The following MS4A12 variants were observed in gnomAD, a reference collection of about 807,000 sequenced individuals.
The protein encoded by MS4A12 is membrane spanning 4-domains A12, also known as membrane-spanning 4-domains subfamily A member 12.
Under a neutral mutation model 23.7 loss-of-function variants are expected in MS4A12, and 28 were observed. That is an observed-to-expected ratio of 1.18 (90% CI 0.88 to 1.62). The LOEUF is 1.62. Among genes scored for constraint, MS4A12 ranks in the 40% most tolerant of loss-of-function variants. The pLI, the probability that MS4A12 is intolerant of heterozygous loss-of-function variation, is 0.00. For synonymous variants in MS4A12, 108 were observed against 110.1 expected (o/e 0.98, Z 0.12); for missense variants, 342 against 327.0 (o/e 1.05, Z -0.35).
intron 2 of MS4A12, among the ~76,000 whole-genome samples, chr11:60,499,960 A>G (rs1020567068): frequency 6.6e-6 from 1 of 152,236 alleles, no homozygotes; most frequent in African/African-American, 2.4e-5. Flanking sequence ...AAATGATTGC[A>G]TACCTGCAAC....
At chr11:60,500,934 C>T (rs996486145) in intron 2 of MS4A12, 111 bp from the exon 3 acceptor site, 80 of 1,257,888 alleles carry the variant, frequency 6.4e-5, no homozygotes, top group Admixed American at 6.3e-4. Flanking sequence ...TGAATGACAA[C>T]GATGGATCTC....
At chr11:60,506,459 C>T (rs186695821) in intron 5 of MS4A12, among the ~76,000 whole-genome samples, 13 of 152,060 alleles carry the variant, frequency 8.5e-5, no homozygotes, top group East Asian at 1.9e-4. Context: ...AAAAAAACAA[C>T]GAGGCCATCA....
At chr11:60,503,856 T>C (rs965219984) in intron 5 of MS4A12, 39 bp downstream of exon 5, 1 of 1,543,752 alleles carries the variant, frequency 6.5e-7, no homozygotes, top group African/African-American at 1.4e-5. Flanking sequence ...TGCTCTATTT[T>C]CAGTCCCGTA....
chr11:60,501,788 GAAATTAAGGAAAAGAAAATAA>G (rs141402153), intron 3 of MS4A12, among the ~76,000 whole-genome samples, 174 bp from the exon 4 acceptor site: 73,920 of 151,630 alleles, frequency 0.49, 18,269 homozygotes, highest in African/African-American at 0.54. Context: ...TCATAGGCCA[GAAATTAAGGAAAAGAAAATAA>G]AAAAGAAGTC....
chr11:60,505,305 G>A (rs1044314276), intron 5 of MS4A12, among the ~76,000 whole-genome samples: 2 of 152,000 alleles, frequency 1.3e-5, no homozygotes, highest in African/African-American at 2.4e-5. Flanking sequence ...GAACAGCATG[G>A]GAAAGACCCA....
At chr11:60,496,055 T>C (rs890181977) in intron 1 of MS4A12, among the ~76,000 whole-genome samples, 2 of 152,208 alleles carry the variant, frequency 1.3e-5, no homozygotes, top group Non-Finnish European at 2.9e-5. Flanking sequence ...ACCTTGAGCA[T>C]GTCACTTAAC....
chr11:60,503,569 A>G (rs909485588), intron 4 of MS4A12, 132 bp from the exon 5 acceptor site: 1 of 712,116 alleles, frequency 1.4e-6, no homozygotes, highest in Non-Finnish European at 2.3e-6. Flanking sequence ...AGGGCAGAAA[A>G]CAGAATAATT....
chr11:60,498,065 A>T (rs2086503266), intron 2 of MS4A12: 2 of 160,052 alleles, frequency 1.2e-5, no homozygotes, highest in Admixed American at 1.2e-4. Flanking sequence ...CTCTTTCACC[A>T]ATACCCTTAG....
intron 1 of MS4A12, among the ~76,000 whole-genome samples, chr11:60,496,563 T>G (rs1280189789): frequency 6.6e-6 from 1 of 152,252 alleles, no homozygotes; most frequent in African/African-American, 2.4e-5. Context: ...TCCCAATTAC[T>G]GGCAAACAAT....
chr11:60,503,434 T>G (rs1025059013), intron 4 of MS4A12, among the ~76,000 whole-genome samples: 1 of 152,236 alleles, frequency 6.6e-6, no homozygotes, highest in African/African-American at 2.4e-5. Context: ...TTATTGTGCA[T>G]GAAGCTTTTA....
intron 3 of MS4A12, 76 bp downstream of exon 3, chr11:60,501,258 T>C: frequency 7.1e-7 from 1 of 1,416,936 alleles, no homozygotes; most frequent in Non-Finnish European, 9.4e-7. Context: ...TATTGCTATC[T>C]CCAGCCAATT....
intron 4 of MS4A12, among the ~76,000 whole-genome samples, 199 bp downstream of exon 4, chr11:60,502,238 A>C (rs1018616114): frequency 6.6e-6 from 1 of 152,234 alleles, no homozygotes; most frequent in Non-Finnish European, 1.5e-5. Flanking sequence ...GCAGAGCTCC[A>C]TATCCTGACT....
chr11:60,506,932 T>A (rs905509159), intron 6 of MS4A12, 88 bp from the exon 7 acceptor site: 15 of 1,519,736 alleles, frequency 9.9e-6, no homozygotes, highest in Middle Eastern at 3.4e-4. Context: ...CTTACCAGAA[T>A]GCTCTTTGTC....
intron 3 of MS4A12, among the ~76,000 whole-genome samples, chr11:60,501,475 T>C (rs1212863448): frequency 6.6e-6 from 1 of 152,208 alleles, no homozygotes; most frequent in Non-Finnish European, 1.5e-5. Flanking sequence ...AGTTTTGATA[T>C]CCTACTACAT....
intron 1 of MS4A12, among the ~76,000 whole-genome samples, chr11:60,494,596 T>C (rs2086473922): frequency 6.6e-6 from 1 of 152,218 alleles, no homozygotes. Flanking sequence ...TAAAACAAGA[T>C]AGAATACCTT....
At chr11:60,506,999 G>A in intron 6 of MS4A12, 21 bp from the exon 7 acceptor site, 9 of 1,592,350 alleles carry the variant, frequency 5.7e-6, no homozygotes, top group Non-Finnish European at 7.8e-6. Context: ...CATATTGCTT[G>A]TTTTTATTCA....
At chr11:60,499,444 T>C (rs756560665) in intron 2 of MS4A12, among the ~76,000 whole-genome samples, 1 of 152,206 alleles carries the variant, frequency 6.6e-6, no homozygotes, top group Non-Finnish European at 1.5e-5. Flanking sequence ...GACGGCTGAA[T>C]TGCTGCTCTA....
At chr11:60,503,301 G>A (rs149817764) in intron 4 of MS4A12, among the ~76,000 whole-genome samples, 9 of 152,140 alleles carry the variant, frequency 5.9e-5, no homozygotes, top group South Asian at 2.1e-4. Flanking sequence ...ATATGCTATC[G>A]TACTACCTCA....
Position 60,503,703 on chromosome 11 carries a change from G to T in MS4A12, c.474G>T (p.Val158=), listed in dbSNP as rs2086548622. 2 of 1,611,610 alleles carry T rather than the reference G, an allele frequency of 1.2e-6. No individual in the cohort carries two copies. The highest frequency in any genetic ancestry group is 1.7e-4 in the Middle Eastern group (1 of 6,048). The part of the protein sequence containing the change: ...SASKELSRCL[V]KGSLGMNIVS... ...TTTTTTCCTGCCATCTCCATTAGGT[G>T]AAAGGCAGCCTGGGAATGAACATTG... Residue 158 remains valine, a splice_region_variant and synonymous_variant, in exon 5 of 7, where the codon GTG becomes GTT. Transcript: ENST00000016913.
Sources: allele counts gnomAD v4.1 joint callset (sites outside exome capture counted in the v4.1 genomes callset), GRCh38; gene constraint gnomAD v4.1.1; transcripts MANE v1.5; gene names NCBI Gene and HGNC (gene_info 2026-07-23, HGNC 2026-07-21).